Variants in METAP1 observed in about 807,000 individuals in gnomAD.
METAP1 encodes the protein methionyl aminopeptidase 1.
METAP1 carries 28 observed loss-of-function variants against 53.8 expected under a neutral mutation model. The ratio of observed to expected loss-of-function variants is 0.52; its 90% CI spans 0.39 to 0.71. The LOEUF (loss-of-function observed/expected upper bound fraction) is 0.71. METAP1 is among the 30% of genes least tolerant of loss of function. The probability of loss-of-function intolerance (pLI) is 0.00; values close to 1 mark genes in which losing one functional copy is unlikely to be tolerated. For missense variants in METAP1, 389 were observed against 479.8 expected (o/e 0.81, Z 1.77); for synonymous variants, 181 against 165.7 (o/e 1.09, Z -0.71).
chr4:99,026,391 T>C, intron 1 of METAP1: 1 of 985,410 alleles, frequency 1.0e-6, no homozygotes, highest in Non-Finnish European at 1.2e-6. Context: ...TAAGCTTGTG[T>C]GTGGAGTGAA....
chr4:99,031,494 T>C, intron 2 of METAP1: 1 of 1,286,748 alleles, frequency 7.8e-7, no homozygotes, highest in Non-Finnish European at 1.0e-6. Flanking sequence ...GTGTGCCTGA[T>C]TTTTGGATTA....
chr4:99,024,927 C>T (rs1019108821), intron 1 of METAP1, among the ~76,000 whole-genome samples: 1 of 152,182 alleles, frequency 6.6e-6, no homozygotes, highest in Non-Finnish European at 1.5e-5. Flanking sequence ...TGAAACTGTT[C>T]TACCTCAGAT....
intron 1 of METAP1, among the ~76,000 whole-genome samples, chr4:99,007,872 A>G (rs988772078): frequency 4.6e-5 from 7 of 152,170 alleles, no homozygotes; most frequent in Non-Finnish European, 1.0e-4. Context: ...TCCCAGCCCC[A>G]GATCTGCAAT....
chr4:99,010,748 C>G (rs372392074), intron 1 of METAP1, among the ~76,000 whole-genome samples: 23 of 152,226 alleles, frequency 1.5e-4, no homozygotes, highest in African/African-American at 5.1e-4. Flanking sequence ...AATCTGTAAA[C>G]TGCTTTGGGT....
intron 1 of METAP1, chr4:99,026,691 G>T: frequency 1.0e-6 from 1 of 985,346 alleles, no homozygotes. Context: ...CTCTTCTACT[G>T]GGGAATAAGA....
chr4:99,052,153 A>G (rs1004444631), intron 9 of METAP1, among the ~76,000 whole-genome samples: 3 of 152,198 alleles, frequency 2.0e-5, no homozygotes, highest in Non-Finnish European at 4.4e-5. Flanking sequence ...TAGTCTAACA[A>G]TGCACAACCC....
At chr4:99,008,055 T>G (rs1370030797) in intron 1 of METAP1, among the ~76,000 whole-genome samples, 1 of 152,134 alleles carries the variant, frequency 6.6e-6, no homozygotes, top group Non-Finnish European at 1.5e-5. Context: ...TAAAGAACAG[T>G]TTTTAAAAGC....
At chr4:98,996,142 T>TGGCCGCGC (rs1292185610) in intron 1 of METAP1, among the ~76,000 whole-genome samples, 13 of 152,190 alleles carry the variant, frequency 8.5e-5, no homozygotes, top group Non-Finnish European at 1.2e-4. Context: ...CGGGGTCGCG[T>TGGCCGCGC]GGCCGCGCTA....
At chr4:99,041,206 G>C in intron 6 of METAP1, 80 bp downstream of exon 6, 1 of 980,024 alleles carries the variant, frequency 1.0e-6, no homozygotes, top group Admixed American at 2.4e-5. Flanking sequence ...GTAGATTTAA[G>C]TTCTGAGTGT....
chr4:99,035,596 C>CATTTAGAAA, intron 4 of METAP1, 136 bp downstream of exon 4: 1 of 630,208 alleles, frequency 1.6e-6, no homozygotes, highest in East Asian at 2.8e-5. Flanking sequence ...ACCATTAGAA[C>CATTTAGAAA]ATTGAAGAGA....
chr4:98,996,019 C>T (rs1722602271), intron 1 of METAP1, among the ~76,000 whole-genome samples, 152 bp downstream of exon 1: 1 of 152,216 alleles, frequency 6.6e-6, no homozygotes, highest in Non-Finnish European at 1.5e-5. Flanking sequence ...GCGTCGCCAC[C>T]GCCCCCTCCT....
intron 1 of METAP1, among the ~76,000 whole-genome samples, chr4:99,013,561 A>C (rs1723590581): frequency 6.6e-6 from 1 of 152,220 alleles, no homozygotes; most frequent in Non-Finnish European, 1.5e-5. Flanking sequence ...CAAACAAAGG[A>C]GACGGGGACA....
intron 9 of METAP1, among the ~76,000 whole-genome samples, chr4:99,050,114 G>A (rs745744535): frequency 6.6e-6 from 1 of 152,154 alleles, no homozygotes; most frequent in Non-Finnish European, 1.5e-5. Flanking sequence ...TGCAGGGGGC[G>A]GTGGGAGAAC....
At chr4:99,057,272 G>A (rs1457522198) in intron 9 of METAP1, among the ~76,000 whole-genome samples, 1 of 152,186 alleles carries the variant, frequency 6.6e-6, no homozygotes, top group Non-Finnish European at 1.5e-5. Flanking sequence ...TAGTTTCTAT[G>A]GGCTGTGCAC....
rs1475390892 is a variant in METAP1, at chr4:99,048,821, T to C, written c.876T>C (p.Cys292=). The C allele has an allele frequency of 6.2e-7, 1 of 1,614,062 alleles. No individual in the cohort carries two copies. The highest frequency in any genetic ancestry group is 2.2e-5 in the East Asian group (1 of 44,888). Residue 292 remains cysteine (C), a synonymous_variant, in exon 9 of 11, where the codon TGT becomes TGC. Transcript: ENST00000296411. The stretch of plus-strand genomic sequence containing the variant: ...GGTTTTCAGTTGTTCGAAGCTATTG[T>C]GGGCATGGAATCCACAAGCTTTTTC... ...ANGFSVVRSY[C]GHGIHKLFHT...
intron 2 of METAP1, among the ~76,000 whole-genome samples, chr4:99,031,051 T>C (rs763002097): frequency 6.6e-5 from 10 of 151,176 alleles, no homozygotes; most frequent in Non-Finnish European, 1.2e-4. Flanking sequence ...AATTTTCTTA[T>C]GCAGGCCTTA....
chr4:99,017,754 A>G (rs1723860965), intron 1 of METAP1, among the ~76,000 whole-genome samples: 1 of 152,270 alleles, frequency 6.6e-6, no homozygotes, highest in Admixed American at 6.5e-5. Flanking sequence ...ACTGTTAAGT[A>G]TCCCCCAAAG....
At chr4:99,027,958 A>AT (rs886330912) in intron 1 of METAP1, among the ~76,000 whole-genome samples, 14 of 122,242 alleles carry the variant, frequency 1.1e-4, no homozygotes, top group South Asian at 9.0e-4. Context: ...AGTCCTAGGG[A>AT]TTTTTTTTTC....
intron 1 of METAP1, among the ~76,000 whole-genome samples, chr4:99,013,401 A>G: frequency 6.6e-6 from 1 of 152,176 alleles, no homozygotes; most frequent in African/African-American, 2.4e-5. Flanking sequence ...TGGACTAGGC[A>G]TTATTCCCCT....
Sources: allele counts gnomAD v4.1 joint callset (sites outside exome capture counted in the v4.1 genomes callset), GRCh38; gene constraint gnomAD v4.1.1; transcripts MANE v1.5; gene names NCBI Gene and HGNC (gene_info 2026-07-23, HGNC 2026-07-21).